The following CTNNA3 variants were observed in gnomAD, a reference collection of about 807,000 sequenced individuals.
CTNNA3 encodes the protein catenin alpha-3.
In CTNNA3, 76 loss-of-function variants were observed where a neutral mutation model predicts 95.7. The ratio of observed to expected loss-of-function variants is 0.79; its 90% CI spans 0.66 to 0.96. CTNNA3 has a LOEUF of 0.96. CTNNA3 is among the 40% of genes least tolerant of loss of function. The pLI, the probability that CTNNA3 is intolerant of heterozygous loss-of-function variation, is 0.00. For missense variants in CTNNA3, 1,191 were observed against 1,089.8 expected, an observed-to-expected ratio of 1.09 and a Z score of -1.31; for synonymous variants, 431 against 374.4, an observed-to-expected ratio of 1.15 and a Z score of -1.74.
intron 12 of CTNNA3, among the ~76,000 whole-genome samples, chr10:66,342,214 C>T (rs1223162646): frequency 6.6e-6 from 1 of 151,964 alleles, no homozygotes; most frequent in Non-Finnish European, 1.5e-5. Context: ...AACCAAGTTT[C>T]TTGACTATGT....
At chr10:66,397,990 G>C (rs10509263) in intron 11 of CTNNA3, among the ~76,000 whole-genome samples, 7,032 of 151,880 alleles carry the variant, frequency 0.046, 342 homozygotes, top group East Asian at 0.23. Flanking sequence ...CAGCTATTAA[G>C]AGTTTGAAGA....
chr10:67,156,109 CCTTT>C (rs1861299909), intron 7 of CTNNA3, among the ~76,000 whole-genome samples: 2 of 151,770 alleles, frequency 1.3e-5, no homozygotes, highest in African/African-American at 4.8e-5. Context: ...CTTTTAAGAT[CCTTT>C]CTATTTCTGT....
intron 4 of CTNNA3, among the ~76,000 whole-genome samples, chr10:67,529,988 C>G (rs781563522): frequency 6.6e-6 from 1 of 152,112 alleles, no homozygotes; most frequent in African/African-American, 2.4e-5. Flanking sequence ...GGGAGTTTCC[C>G]TACACAAGCT....
chr10:66,475,731 A>T (rs567572198), intron 11 of CTNNA3, among the ~76,000 whole-genome samples: 84 of 152,206 alleles, frequency 5.5e-4, no homozygotes, highest in Admixed American at 2.9e-3. Context: ...TGGCGAGGCT[A>T]TGGAAAGATA....
intron 11 of CTNNA3, among the ~76,000 whole-genome samples, chr10:66,495,905 GCCTTGGCCTC>G: frequency 6.6e-6 from 1 of 152,016 alleles, no homozygotes; most frequent in African/African-American, 2.4e-5. Context: ...TGATCTGCCT[GCCTTGGCCTC>G]CCAAAGTGCT....
At chr10:66,436,397 C>CTTGTTGCA (rs957243017) in intron 11 of CTNNA3, among the ~76,000 whole-genome samples, 1 of 150,326 alleles carries the variant, frequency 6.7e-6, no homozygotes, top group African/African-American at 2.4e-5. Context: ...TTTAACTCTT[C>CTTGTTGCA]TTGTTGCATT....
chr10:66,769,408 A>G (rs1011069277), intron 8 of CTNNA3, among the ~76,000 whole-genome samples: 6 of 41,426 alleles, frequency 1.4e-4, no homozygotes, highest in African/African-American at 9.0e-4. Flanking sequence ...CAATATTCTC[A>G]CCAGTCTAAC....
At chr10:67,110,349 T>G (rs942554398) in intron 7 of CTNNA3, among the ~76,000 whole-genome samples, 2 of 152,096 alleles carry the variant, frequency 1.3e-5, no homozygotes, top group African/African-American at 4.8e-5. Context: ...TCTGGGAAAC[T>G]CCACTTGGCT....
intron 11 of CTNNA3, among the ~76,000 whole-genome samples, chr10:66,385,306 T>C (rs2132509685): frequency 6.6e-6 from 1 of 152,238 alleles, no homozygotes. Flanking sequence ...GAGAATACTA[T>C]AAACACCTCT....
At chr10:67,373,420 G>A (rs1296330085) in intron 5 of CTNNA3, among the ~76,000 whole-genome samples, 2 of 152,144 alleles carry the variant, frequency 1.3e-5, no homozygotes, top group Non-Finnish European at 2.9e-5. Context: ...AACAAGAAGA[G>A]CTAACTATCC....
At chr10:66,287,514 G>A (rs1490443369) in intron 12 of CTNNA3, among the ~76,000 whole-genome samples, 1 of 151,930 alleles carries the variant, frequency 6.6e-6, no homozygotes, top group Non-Finnish European at 1.5e-5. Context: ...TCTATTGCTT[G>A]GATGTAAGAA....
chr10:67,418,653 A>C (rs1188583092), intron 5 of CTNNA3, among the ~76,000 whole-genome samples: 1 of 152,158 alleles, frequency 6.6e-6, no homozygotes, highest in African/African-American at 2.4e-5. Flanking sequence ...AGTTGAACTC[A>C]CACAAGTAGA....
chr10:66,368,970 T>A (rs1238919788), intron 12 of CTNNA3, among the ~76,000 whole-genome samples: 2 of 152,274 alleles, frequency 1.3e-5, no homozygotes, highest in Non-Finnish European at 1.5e-5. Flanking sequence ...ATGATACTTT[T>A]AAAAATCCCT....
chr10:67,674,739 CCTTT>C (rs1840504717), intron 1 of CTNNA3, among the ~76,000 whole-genome samples: 1 of 152,118 alleles, frequency 6.6e-6, no homozygotes, highest in African/African-American at 2.4e-5. Context: ...ATTCAAATAT[CCTTT>C]CTATGAATTG....
intron 17 of CTNNA3, among the ~76,000 whole-genome samples, chr10:65,951,472 GTTC>G (rs1406100046): frequency 7.2e-5 from 11 of 152,098 alleles, no homozygotes; most frequent in Non-Finnish European, 1.5e-4. Context: ...GTTCTGATTA[GTTC>G]TTCTTAAGAA....
intron 7 of CTNNA3, among the ~76,000 whole-genome samples, chr10:67,014,325 T>C (rs1050359805): frequency 1.9e-4 from 29 of 152,180 alleles, no homozygotes; most frequent in African/African-American, 7.0e-4. Flanking sequence ...CATTCTGTTT[T>C]GTTGAAGGGA....
intron 13 of CTNNA3, among the ~76,000 whole-genome samples, chr10:66,112,808 T>C (rs919734943): frequency 1.3e-5 from 2 of 152,162 alleles, no homozygotes; most frequent in Admixed American, 1.3e-4. Context: ...GATCTCCTTT[T>C]TTTTTAAGGT....
intron 11 of CTNNA3, among the ~76,000 whole-genome samples, chr10:66,384,049 A>G (rs2092866749): frequency 6.6e-6 from 1 of 152,192 alleles, no homozygotes; most frequent in Admixed American, 6.5e-5. Context: ...TAACAGGCAA[A>G]ATAGCCAGCG....
chr10:67,167,193 T>G (rs535337060), intron 7 of CTNNA3, among the ~76,000 whole-genome samples: 2 of 152,300 alleles, frequency 1.3e-5, no homozygotes, highest in Non-Finnish European at 2.9e-5. Flanking sequence ...ATTTGACACA[T>G]CAGGTCTCTG....
Sources: gnomAD v4.1 joint callset for allele counts (sites outside exome capture counted in the v4.1 genomes callset) on GRCh38, gnomAD v4.1.1 for gene constraint, MANE v1.5 for transcripts, NCBI Gene and HGNC (gene_info 2026-07-23, HGNC 2026-07-21) for gene names.